AOAH: variants seen among roughly 807,000 people sequenced by gnomAD.
The protein encoded by AOAH is acyloxyacyl hydrolase (neutrophil).
Under a neutral mutation model 92.2 loss-of-function variants are expected in AOAH, and 64 were observed. The observed-to-expected ratio is 0.69, with a 90% CI of 0.57 to 0.86. The LOEUF is 0.86. Among genes scored for constraint, AOAH ranks in the 40% least tolerant of loss-of-function variants. AOAH has a pLI of 0.00. For synonymous variants in AOAH, 263 were observed against 254.5 expected, an observed-to-expected ratio of 1.03 and a Z score of -0.32; for missense variants, 656 against 694.6, an observed-to-expected ratio of 0.94 and a Z score of 0.62.
chr7:36,718,055 T>C (rs370137261), intron 1 of AOAH, among the ~76,000 whole-genome samples: 1 of 152,136 alleles, frequency 6.6e-6, no homozygotes, highest in Non-Finnish European at 1.5e-5. Flanking sequence ...TTGTGAATCA[T>C]ATATTTGAAA....
intron 2 of AOAH, among the ~76,000 whole-genome samples, chr7:36,675,094 A>G (rs1796164098): frequency 6.6e-6 from 1 of 152,176 alleles, no homozygotes; most frequent in Admixed American, 6.5e-5. Context: ...GTCTCTCCTA[A>G]AAACACAAAA....
At chr7:36,531,871 C>T (rs898127165) in intron 18 of AOAH, among the ~76,000 whole-genome samples, 24 of 139,248 alleles carry the variant, frequency 1.7e-4, no homozygotes, top group African/African-American at 4.6e-4. Flanking sequence ...TGTATGTGTG[C>T]GTGTGCACAG....
chr7:36,572,833 G>T (rs1022207720), intron 13 of AOAH, among the ~76,000 whole-genome samples: 6 of 152,216 alleles, frequency 3.9e-5, no homozygotes, highest in Admixed American at 3.9e-4. Flanking sequence ...GAAAAGCTGG[G>T]TTTGCAAAAG....
rs1156465171 is a variant in AOAH at position 36,540,416 on chromosome 7, T to G, written c.1209A>C (p.Leu403=). 4 of 1,614,078 alleles carry G rather than the reference T, an allele frequency of 2.5e-6. No individual in the cohort carries two copies. The highest frequency in any genetic ancestry group is 1.6e-4 in the Middle Eastern group (1 of 6,062). The change falls in exon 16 of 21, where the codon CTA becomes CTC. Residue 403 remains leucine (L), a synonymous_variant. Coordinates refer to ENST00000617537, the MANE Select transcript of AOAH (RefSeq NM_001637.4). Reference sequence around the variant, plus strand: ...GGCTGCCATTGGGCAGGTGGGAATTTAGATGCTTCAGAGTCTGCATGACGT... The same window carrying G: ...GGCTGCCATTGGGCAGGTGGGAATTGAGATGCTTCAGAGTCTGCATGACGT... The part of the protein sequence containing the change: ...YSNVMQTLKH[L]NSHLPNGSHV...
chr7:36,658,194 A>C (rs1415877402), intron 4 of AOAH, among the ~76,000 whole-genome samples: 1 of 152,170 alleles, frequency 6.6e-6, no homozygotes, highest in African/African-American at 2.4e-5. Flanking sequence ...AGGTAGTTGC[A>C]TCTCTTACTT....
chr7:36,576,524 C>T (rs1439566126), intron 13 of AOAH, 50 bp downstream of exon 13: 7 of 1,092,574 alleles, frequency 6.4e-6, no homozygotes, highest in African/African-American at 1.6e-5. Context: ...ATGAAATAAA[C>T]TCAATCATTA....
intron 5 of AOAH, among the ~76,000 whole-genome samples, chr7:36,637,586 C>A (rs1416632094): frequency 6.6e-6 from 1 of 152,020 alleles, no homozygotes; most frequent in African/African-American, 2.4e-5. Flanking sequence ...CTGCTGAACA[C>A]CCTACAAAGC....
chr7:36,714,462 C>G (rs1190272870), intron 1 of AOAH, among the ~76,000 whole-genome samples: 1 of 152,210 alleles, frequency 6.6e-6, no homozygotes, highest in African/African-American at 2.4e-5. Flanking sequence ...AGGGAATCCT[C>G]CCTAACTCAT....
chr7:36,698,903 A>C (rs780196780), intron 1 of AOAH, among the ~76,000 whole-genome samples: 1 of 151,900 alleles, frequency 6.6e-6, no homozygotes, highest in Non-Finnish European at 1.5e-5. Context: ...AGTGGGTATT[A>C]TTTCTTCTAT....
intron 20 of AOAH, among the ~76,000 whole-genome samples, chr7:36,521,283 G>A (rs1295728479): frequency 6.6e-6 from 1 of 152,196 alleles, no homozygotes; most frequent in Non-Finnish European, 1.5e-5. Flanking sequence ...CCTCCCCATA[G>A]AGGAGCAGCT....
intron 1 of AOAH, among the ~76,000 whole-genome samples, chr7:36,723,344 C>A (rs1051920627): frequency 6.6e-6 from 1 of 151,736 alleles, no homozygotes; most frequent in Non-Finnish European, 1.5e-5. Context: ...CCAAAAAAAA[C>A]AAACAAAAAA....
intron 1 of AOAH, among the ~76,000 whole-genome samples, chr7:36,705,512 T>C (rs766102877): frequency 1.1e-4 from 16 of 152,188 alleles, no homozygotes; most frequent in Non-Finnish European, 2.2e-4. Context: ...AAACATTCCA[T>C]GCTCATGGAT....
In AOAH at chr7:36,540,425, CA is replaced by C. The variant is rs765382203; in HGVS notation, c.1199del (p.Leu400ArgfsTer4). On this transcript the variant is annotated frameshift_variant, in exon 16 of 21. Coordinates refer to ENST00000617537, the MANE Select transcript of AOAH (RefSeq NM_001637.4). LOFTEE classifies it high-confidence loss of function. Reference sequence around the variant, plus strand: ...TGGGCAGGTGGGAATTTAGATGCTTCAGAGTCTGCATGACGTTGGAGTAGAG... The same window carrying C: ...TGGGCAGGTGGGAATTTAGATGCTTCGAGTCTGCATGACGTTGGAGTAGAG... ...EKLYSNVMQT[L>X]KHLNSHLPNG... 6.2e-7 allele frequency: 1 copy of C among 1,613,866 alleles called. No homozygotes were observed. Among genetic ancestry groups the C allele is most frequent in the African/African-American group, 1.3e-5 (1 of 74,882 alleles).
chr7:36,624,001 G>T (rs1792464634), intron 6 of AOAH, among the ~76,000 whole-genome samples: 1 of 152,168 alleles, frequency 6.6e-6, no homozygotes, highest in Admixed American at 6.5e-5. Flanking sequence ...TCTCCATAGG[G>T]CATACGCTGT....
At chr7:36,555,464 T>C (rs1786633203) in intron 13 of AOAH, among the ~76,000 whole-genome samples, 1 of 152,232 alleles carries the variant, frequency 6.6e-6, no homozygotes, top group African/African-American at 2.4e-5. Flanking sequence ...GTTGTGTTTC[T>C]GCCTGGCTTT....
rs1444369835 is a variant in AOAH, at chr7:36,516,186, A to G, written c.1600-2806T>C. On this transcript the variant is annotated intron_variant, in intron 20 of 20. Transcript: ENST00000617537. This position sits in a 1 kb window ranked among gnomAD's most constrained non-coding sequence, Gnocchi z 5.0. Reference sequence around the variant, plus strand: ...ACCACACACCCCATACCACACATACATACATCTCTCTTATATACACACACA... The same window carrying G: ...ACCACACACCCCATACCACACATACGTACATCTCTCTTATATACACACACA... Among the ~76,000 whole-genome samples the G allele has an allele frequency of 6.8e-6, 1 of 147,936 alleles. No homozygotes were observed. Among genetic ancestry groups the G allele is most frequent in the African/African-American group, 2.5e-5 (1 of 39,946 alleles).
intron 1 of AOAH, 84 bp downstream of exon 1, chr7:36,723,938 A>C: frequency 6.9e-7 from 1 of 1,445,352 alleles, no homozygotes; most frequent in Non-Finnish European, 9.3e-7. Flanking sequence ...TGATTTAATA[A>C]AATATGTGAT....
At chr7:36,560,686 G>T (rs971916769) in intron 13 of AOAH, among the ~76,000 whole-genome samples, 1 of 152,038 alleles carries the variant, frequency 6.6e-6, no homozygotes, top group Admixed American at 6.6e-5. Flanking sequence ...GAAGAGAGAC[G>T]GTTTGACTTC....
In AOAH at chr7:36,513,320, T is replaced by C; in HGVS notation, c.1660A>G (p.Ile554Val). 1 of 1,614,154 alleles carries C rather than the reference T, an allele frequency of 6.2e-7. No individual in the cohort carries two copies. The highest frequency in any genetic ancestry group is 8.5e-7 in the Non-Finnish European group (1 of 1,180,022). The change falls in exon 21 of 21, where the codon ATC becomes GTC. Residue 554 changes from isoleucine (I) to valine (V), a missense_variant. By Grantham distance (29) the Ile-to-Val change is conservative. Transcript: ENST00000617537. ...WKKVQLQWPQILGKENPFNPQ... is the reference protein window; with the variant it reads ...WKKVQLQWPQVLGKENPFNPQ... ...TTGAACGGATTCTCCTTTCCCAGGA[T>C]TTGGGGCCACTGGAGCTGCACCTTT...
Sources: allele counts gnomAD v4.1 joint callset (sites outside exome capture counted in the v4.1 genomes callset), GRCh38; gene constraint gnomAD v4.1.1; non-coding constraint Gnocchi (gnomAD v3.1); transcripts MANE v1.5; gene names NCBI Gene and HGNC (gene_info 2026-07-23, HGNC 2026-07-21).